Variants in TANK observed in about 807,000 individuals in gnomAD.
TANK encodes TRAF family member-associated NF-kappa-B activator.
Under a neutral mutation model 43.6 loss-of-function variants are expected in TANK, and 15 were observed. The observed-to-expected ratio is 0.34, with a 90% CI of 0.23 to 0.53. The LOEUF (loss-of-function observed/expected upper bound fraction) is 0.53, where lower values mean the gene tolerates loss of function less well. TANK is among the 20% of genes least tolerant of loss of function. The pLI, the probability that TANK is intolerant of heterozygous loss-of-function variation, is 0.94. For missense variants in TANK, 417 were observed against 498.6 expected (o/e 0.84, Z 1.56); for synonymous variants, 162 against 178.2 (o/e 0.91, Z 0.73).
chr2:161,226,994 C>T (rs1687665414), intron 6 of TANK: 1 of 24,704 alleles, frequency 4.0e-5, no homozygotes, highest in Non-Finnish European at 1.6e-4. Context: ...TTTACTTTTT[C>T]CTTGCAAAGC....
At chr2:161,138,360 A>G (rs1683647272) in intron 1 of TANK, among the ~76,000 whole-genome samples, 2 of 152,154 alleles carry the variant, frequency 1.3e-5, no homozygotes, top group African/African-American at 4.8e-5. Flanking sequence ...TCACCTCTTT[A>G]TCCAGGGCTT....
chr2:161,156,090 G>T (rs1401584853), upstream of TANK: 2 of 983,932 alleles, frequency 2.0e-6, no homozygotes, highest in African/African-American at 3.5e-5. Flanking sequence ...ACTTCAGATA[G>T]CTTCTGATAT....
At chr2:161,171,557 G>A (rs1039252463) in intron 1 of TANK, among the ~76,000 whole-genome samples, 1 of 152,128 alleles carries the variant, frequency 6.6e-6, no homozygotes, top group Non-Finnish European at 1.5e-5. Flanking sequence ...AATTATGTAG[G>A]TTTTTGCCTG....
intron 1 of TANK, among the ~76,000 whole-genome samples, chr2:161,147,161 C>T (rs1683936228): frequency 6.6e-6 from 1 of 152,126 alleles, no homozygotes; most frequent in African/African-American, 2.4e-5. Context: ...TGGGACCAAG[C>T]CATCCAGCCT....
At chr2:161,205,382 T>G (rs1686602327) in intron 4 of TANK, among the ~76,000 whole-genome samples, 1 of 152,090 alleles carries the variant, frequency 6.6e-6, no homozygotes, top group Non-Finnish European at 1.5e-5. Context: ...TATGTGTGTG[T>G]GTGGTGTGTG....
At chr2:161,184,962 T>C (rs922004716) in intron 2 of TANK, among the ~76,000 whole-genome samples, 1 of 151,950 alleles carries the variant, frequency 6.6e-6, no homozygotes, top group Non-Finnish European at 1.5e-5. Flanking sequence ...CAGTTAAGAG[T>C]GTATAGGTTG....
upstream of TANK, chr2:161,156,304 A>G (rs897981148): frequency 5.3e-5 from 52 of 985,420 alleles, no homozygotes; most frequent in South Asian, 1.8e-3. Context: ...TGTCCAAATT[A>G]TATGTGAATT....
intron 2 of TANK, among the ~76,000 whole-genome samples, chr2:161,191,203 T>C (rs1344648235): frequency 6.6e-6 from 1 of 152,308 alleles, no homozygotes; most frequent in African/African-American, 2.4e-5. Flanking sequence ...GTATTCCAAA[T>C]TGATAAGGGA....
chr2:161,156,425 A>G (rs966070880), upstream of TANK: 76 of 917,456 alleles, frequency 8.3e-5, no homozygotes, highest in Admixed American at 1.9e-4. Flanking sequence ...CTTATCATGT[A>G]TTTCATCTCT....
chr2:161,158,404 G>C (rs1393044835), upstream of TANK, among the ~76,000 whole-genome samples: 1 of 152,184 alleles, frequency 6.6e-6, no homozygotes, highest in African/African-American at 2.4e-5. Context: ...AATGTTTGAT[G>C]CCATTTTAGC....
chr2:161,156,797 T>C (rs1573955103), upstream of TANK, among the ~76,000 whole-genome samples: 1 of 152,364 alleles, frequency 6.6e-6, no homozygotes, highest in Middle Eastern at 3.4e-3. Context: ...ATTCCTTACC[T>C]TTAATAGCTA....
intron 1 of TANK, chr2:161,139,843 T>C: frequency 3.0e-6 from 3 of 985,450 alleles, no homozygotes; most frequent in Non-Finnish European, 3.6e-6. Flanking sequence ...CAAAAAGCCT[T>C]CTTCCTATTA....
At chr2:161,205,812 A>AT (rs993097127) in intron 4 of TANK, among the ~76,000 whole-genome samples, 9 of 151,718 alleles carry the variant, frequency 5.9e-5, no homozygotes, top group Non-Finnish European at 1.0e-4. Flanking sequence ...TTGTTTTTGG[A>AT]TTTTTTTTGG....
chr2:161,236,186 CA>C lies in TANK; in HGVS notation c.*669del, dbSNP rs1688163265. The C allele has an allele frequency of 1.5e-5, 2 of 134,066 alleles. No homozygotes were observed. The highest frequency in any genetic ancestry group is 5.6e-5 in the African/African-American group (2 of 35,602). The allele number at this position is 134,066 out of a possible 1,614,324, so 8.3% of individuals were successfully genotyped here. A position where few individuals can be genotyped will look rare whatever the true frequency, so the allele number is the denominator to read the frequency against. On this transcript the variant is annotated 3_prime_UTR_variant, in exon 8 of 8. Transcript: ENST00000392749. ...TATTAAGAGGTACTTATGTTGTGAT[CA>C]TTTGTATGTCCTTTGTTCCTGAGTA...
intron 2 of TANK, among the ~76,000 whole-genome samples, chr2:161,186,721 C>T (rs544528959): frequency 3.8e-4 from 58 of 152,210 alleles, no homozygotes; most frequent in African/African-American, 1.3e-3. Context: ...ACAAAAGAAA[C>T]AATCAACAAA....
chr2:161,223,073 A>G (rs1687430602), intron 4 of TANK: 1 of 152,056 alleles, frequency 6.6e-6, no homozygotes. Context: ...TAAAATCTAA[A>G]TGTCACTAAA....
chr2:161,201,691 C>G (rs1412708728), intron 2 of TANK, among the ~76,000 whole-genome samples: 25 of 152,136 alleles, frequency 1.6e-4, no homozygotes, highest in Non-Finnish European at 1.6e-4. Flanking sequence ...TGCTCTGTAG[C>G]CCAAGTAAAT....
intron 1 of TANK, among the ~76,000 whole-genome samples, chr2:161,141,762 G>A (rs1165486942): frequency 6.6e-6 from 1 of 152,054 alleles, no homozygotes; most frequent in Non-Finnish European, 1.5e-5. Flanking sequence ...CCATGTCTTT[G>A]CTATTGTAAA....
intron 6 of TANK, 76 bp downstream of exon 6, chr2:161,224,822 C>A (rs926767987): frequency 1.1e-6 from 1 of 892,306 alleles, no homozygotes; most frequent in Non-Finnish European, 1.7e-6. Context: ...TGAAAATATT[C>A]CTGAATGCCT....
Sources: gnomAD v4.1 joint callset for allele counts (sites outside exome capture counted in the v4.1 genomes callset) on GRCh38, gnomAD v4.1.1 for gene constraint, MANE v1.5 for transcripts, NCBI Gene and HGNC (gene_info 2026-07-23, HGNC 2026-07-21) for gene names.